ZPLD1: variants seen among roughly 807,000 people sequenced by gnomAD.
ZPLD1 encodes the protein zona pellucida like domain containing 1, also known as zona pellucida-like domain-containing protein 1.
ZPLD1 carries 34 observed loss-of-function variants against 47.2 expected under a neutral mutation model. The observed-to-expected ratio is 0.72, with a 90% confidence interval of 0.55 to 0.96. The LOEUF is 0.96. Among genes scored for constraint, ZPLD1 ranks in the 40% least tolerant of loss-of-function variants. ZPLD1 has a pLI of 0.00. For synonymous variants in ZPLD1, 176 were observed against 186.2 expected, an observed-to-expected ratio of 0.95 and a Z score of 0.45; for missense variants, 512 against 505.8, an observed-to-expected ratio of 1.01 and a Z score of -0.12.
At chr3:102,470,553 T>C (rs1260545448) in intron 10 of ZPLD1, 51 bp downstream of exon 10, 1 of 1,474,144 alleles carries the variant, frequency 6.8e-7, no homozygotes, top group Non-Finnish European at 9.4e-7. Flanking sequence ...CCAAAATGCC[T>C]CGTTACTTGG....
intron 7 of ZPLD1, among the ~76,000 whole-genome samples, chr3:102,413,133 A>G (rs1029092860): frequency 6.6e-6 from 1 of 151,812 alleles, no homozygotes; most frequent in African/African-American, 2.4e-5. Context: ...TCAAGAATAT[A>G]TATAGAAACA....
At chr3:102,473,263 C>A (rs913360238) in intron 10 of ZPLD1, among the ~76,000 whole-genome samples, 2 of 152,132 alleles carry the variant, frequency 1.3e-5, no homozygotes, top group Non-Finnish European at 2.9e-5. Flanking sequence ...CCCCCGAAAT[C>A]CCAGTAAAGA....
chr3:102,462,211 T>A (rs1341448001), intron 6 of ZPLD1, 70 bp from the exon 7 acceptor site: 1 of 924,364 alleles, frequency 1.1e-6, no homozygotes, highest in South Asian at 1.6e-5. Context: ...TCTCTAATAT[T>A]GTTGTTTTAA....
chr3:102,456,242 A>G lies in ZPLD1; in HGVS notation c.377A>G (p.Gln126Arg). The G allele has an allele frequency of 1.2e-6, 2 of 1,613,788 alleles. No homozygotes were observed. The highest frequency in any genetic ancestry group is 1.7e-6 in the Non-Finnish European group (2 of 1,179,848). The change falls in exon 5 of 12, where the codon CAA (glutamine) becomes CGA (arginine). Residue 126 changes from glutamine to arginine, a missense_variant. Gln to Arg is a conservative substitution (Grantham distance 43). Coordinates refer to ENST00000466937, the MANE Select transcript of ZPLD1 (RefSeq NM_001329788.2). ...GCTTATGGAAATGCAACTTCAGTGCAAGTAGGAAATATTTCAGGATATATT... is the reference window on the plus strand; with the variant it reads ...GCTTATGGAAATGCAACTTCAGTGCGAGTAGGAAATATTTCAGGATATATT... ...VSAYGNATSVQVGNISGYIDT... is the reference protein window; with the variant it reads ...VSAYGNATSVRVGNISGYIDT...
At chr3:102,439,568 C>G (rs562905806) in intron 3 of ZPLD1, among the ~76,000 whole-genome samples, 1 of 152,020 alleles carries the variant, frequency 6.6e-6, no homozygotes, top group African/African-American at 2.4e-5. Flanking sequence ...CAAAAATGAG[C>G]TTTTTTTACA....
chr3:102,443,466 G>C (rs951886146), intron 3 of ZPLD1, among the ~76,000 whole-genome samples: 1 of 152,106 alleles, frequency 6.6e-6, no homozygotes, highest in African/African-American at 2.4e-5. Flanking sequence ...AAACAATGAT[G>C]TCTAAAAATG....
At chr3:102,427,917 A>G (rs1384760420) in intron 8 of ZPLD1, among the ~76,000 whole-genome samples, 1 of 152,188 alleles carries the variant, frequency 6.6e-6, no homozygotes, top group Non-Finnish European at 1.5e-5. Flanking sequence ...CTAGATCATA[A>G]AGATAGTTTC....
intron 7 of ZPLD1, among the ~76,000 whole-genome samples, chr3:102,405,903 A>G (rs1706675644): frequency 6.6e-6 from 1 of 152,002 alleles, no homozygotes. Flanking sequence ...GTTAAGTGAA[A>G]GAGTTGGGCT....
At chr3:102,473,285 A>T (rs1201874965) in intron 10 of ZPLD1, among the ~76,000 whole-genome samples, 1 of 152,206 alleles carries the variant, frequency 6.6e-6, no homozygotes, top group East Asian at 1.9e-4. Flanking sequence ...AAATAAGTAG[A>T]AGTCTCTAAT....
upstream of ZPLD1, among the ~76,000 whole-genome samples, chr3:102,431,486 T>C (rs1220128568): frequency 6.6e-6 from 1 of 152,216 alleles, no homozygotes; most frequent in African/African-American, 2.4e-5. Flanking sequence ...TTCATTTTTC[T>C]TTTAATATAT....
intron 7 of ZPLD1, among the ~76,000 whole-genome samples, chr3:102,414,640 T>C (rs1005834994): frequency 1.3e-5 from 2 of 151,804 alleles, no homozygotes; most frequent in African/African-American, 4.8e-5. Flanking sequence ...CTGGAATTGA[T>C]CATGTGTAAA....
intron 8 of ZPLD1, among the ~76,000 whole-genome samples, chr3:102,423,682 C>T (rs1706907201): frequency 1.3e-5 from 2 of 152,040 alleles, no homozygotes; most frequent in South Asian, 4.1e-4. Flanking sequence ...AGAGGGACCT[C>T]GACTATGATT....
At chr3:102,452,343 C>T (rs139085334) in intron 3 of ZPLD1, among the ~76,000 whole-genome samples, 3 of 151,058 alleles carry the variant, frequency 2.0e-5, no homozygotes, top group East Asian at 3.9e-4. Context: ...AATATCAACA[C>T]TATTTTTTTA....
intron 7 of ZPLD1, among the ~76,000 whole-genome samples, chr3:102,399,826 T>G (rs1253941094): frequency 1.3e-5 from 2 of 152,092 alleles, no homozygotes; most frequent in Non-Finnish European, 2.9e-5. Context: ...GTTTGTTTAT[T>G]TATTTATTTT....
At chr3:102,423,075 T>C (rs953552347) in intron 8 of ZPLD1, among the ~76,000 whole-genome samples, 2 of 152,112 alleles carry the variant, frequency 1.3e-5, no homozygotes, top group East Asian at 3.9e-4. Context: ...TTGTTTTACT[T>C]TTGGTCCAAA....
In ZPLD1 at chr3:102,422,103, G is replaced by C. The variant is rs574779806; in HGVS notation, c.-9+3896G>C. 2.6e-5 allele frequency among the ~76,000 whole-genome samples: 4 copies of C among 152,090 alleles called. No homozygotes were observed. The East Asian group carries it at 5.8e-4, about 22-fold the overall frequency. On this transcript the variant is annotated intron_variant, in intron 8 of 17. Coordinates refer to the ZPLD1 transcript ENST00000491959. ...CACACTTAATTTTCTACATTTTGAT[G>C]ATATGGCACTATCCCCTTTGTAGCA...
chr3:102,387,867 T>TTC (rs1706448416), intron 6 of ZPLD1, among the ~76,000 whole-genome samples: 1 of 142,418 alleles, frequency 7.0e-6, no homozygotes. Context: ...TTTTTTTTTT[T>TTC]TTTTTTTGTG....
chr3:102,461,599 A>G (rs945398045), intron 6 of ZPLD1, among the ~76,000 whole-genome samples: 2 of 152,064 alleles, frequency 1.3e-5, no homozygotes, highest in Admixed American at 6.5e-5. Context: ...ATCTTGCCCT[A>G]TAAAAAATGT....
rs1707065512 is a variant in ZPLD1 at position 102,435,046 on chromosome 3, T to C, written c.-231T>C. Reference sequence around the variant, plus strand: ...GTGTTAACATAATCCCCCAATCCCATACAATTCAATTTCAGAAAAGTATTT... The same window carrying C: ...GTGTTAACATAATCCCCCAATCCCACACAATTCAATTTCAGAAAAGTATTT... On this transcript the variant is annotated 5_prime_UTR_variant, in exon 1 of 12. Coordinates refer to ENST00000466937, the MANE Select transcript of ZPLD1 (RefSeq NM_001329788.2). 5.1e-6 allele frequency: 8 copies of C among 1,559,808 alleles called. No individual in the cohort carries two copies. The South Asian group carries it at 8.9e-5, about 17-fold the overall frequency.
Sources: allele counts gnomAD v4.1 joint callset (sites outside exome capture counted in the v4.1 genomes callset), GRCh38; gene constraint gnomAD v4.1.1; transcripts MANE v1.5; gene names NCBI Gene and HGNC (gene_info 2026-07-23, HGNC 2026-07-21).